The following FAM53B variants were observed in gnomAD, a reference collection of about 807,000 sequenced individuals.
The protein encoded by FAM53B is protein FAM53B.
FAM53B carries 12 observed loss-of-function variants against 32.7 expected under a neutral mutation model. That is an observed-to-expected ratio of 0.37 (90% CI 0.24 to 0.59). The LOEUF (loss-of-function observed/expected upper bound fraction) is 0.59. FAM53B is among the 20% of genes least tolerant of loss of function. FAM53B has a pLI of 0.72. For missense variants in FAM53B, 477 were observed against 577.7 expected, an observed-to-expected ratio of 0.83 and a Z score of 1.79; for synonymous variants, 234 against 228.7, an observed-to-expected ratio of 1.02 and a Z score of -0.21.
intron 4 of FAM53B, among the ~76,000 whole-genome samples, chr10:124,641,185 T>A (rs2134044591): frequency 6.6e-6 from 1 of 152,252 alleles, no homozygotes; most frequent in Middle Eastern, 3.4e-3. Context: ...CCCTTAAAGG[T>A]AAATGCTCAC....
intron 1 of FAM53B, among the ~76,000 whole-genome samples, 152 bp downstream of exon 1, chr10:124,743,861 C>T (rs534551425): frequency 6.6e-6 from 1 of 151,472 alleles, no homozygotes; most frequent in Non-Finnish European, 1.5e-5. Flanking sequence ...AGGAAACCAG[C>T]AACATTAGGA....
At chr10:124,669,251 C>T (rs1322150921) in intron 4 of FAM53B, among the ~76,000 whole-genome samples, 5 of 152,244 alleles carry the variant, frequency 3.3e-5, no homozygotes, top group African/African-American at 7.2e-5. Context: ...CACACACCTC[C>T]GCTCAGTGTG....
chr10:124,623,145 G>A lies in FAM53B; in HGVS notation c.*97C>T. On this transcript the variant is annotated 3_prime_UTR_variant, in exon 5 of 5. Coordinates refer to ENST00000337318, the MANE Select transcript of FAM53B (RefSeq NM_014661.4). ...ACACCACTCAGGAAGCTTTCATCAGGCCCACGAGTTGGGCTCCCCTTCAAG... is the reference window on the plus strand; with the variant it reads ...ACACCACTCAGGAAGCTTTCATCAGACCCACGAGTTGGGCTCCCCTTCAAG... 1 of 1,438,814 alleles carries A rather than the reference G, an allele frequency of 7.0e-7. No homozygotes were observed. The highest frequency in any genetic ancestry group is 9.3e-7 in the Non-Finnish European group (1 of 1,074,802). 89.1% of individuals were successfully genotyped at this position (1,438,814 alleles called of 1,614,324 possible).
intron 4 of FAM53B, among the ~76,000 whole-genome samples, chr10:124,627,751 A>C (rs1949364293): frequency 6.6e-6 from 1 of 152,028 alleles, no homozygotes. Flanking sequence ...CTAGCCACCA[A>C]AGAGGCCCTG....
At chr10:124,687,531 C>T (rs1949810021) in intron 3 of FAM53B, among the ~76,000 whole-genome samples, 2 of 152,146 alleles carry the variant, frequency 1.3e-5, no homozygotes, top group South Asian at 2.1e-4. Flanking sequence ...GGATAATTAA[C>T]GGTACTGGAA....
intron 4 of FAM53B, among the ~76,000 whole-genome samples, chr10:124,666,017 G>A (rs1949670102): frequency 6.6e-6 from 1 of 152,192 alleles, no homozygotes; most frequent in Admixed American, 6.5e-5. Context: ...CCTGAGCCCT[G>A]GCACAGGCAG....
In FAM53B at chr10:124,681,580, G is replaced by A. The variant is rs368057333; in HGVS notation, c.906+27C>T. On this transcript the variant is annotated intron_variant, in intron 4 of 4. Coordinates refer to ENST00000337318, the MANE Select transcript of FAM53B (RefSeq NM_014661.4). ...AGCAGAGGCTCCAGTGAGCACCAAG[G>A]TGACTCCAGGCTGCTGGGGCTCTTA... The A allele has an allele frequency of 3.2e-6, 5 of 1,539,234 alleles. No individual in the cohort carries two copies. The African/African-American group carries it at 6.8e-5, about 21-fold the overall frequency.
intron 1 of FAM53B, among the ~76,000 whole-genome samples, chr10:124,728,413 A>C (rs1162228487): frequency 6.6e-6 from 1 of 152,154 alleles, no homozygotes; most frequent in Non-Finnish European, 1.5e-5. Context: ...CCCTGCCCCC[A>C]CCAGGAGAGC....
intron 2 of FAM53B, among the ~76,000 whole-genome samples, chr10:124,698,339 G>A (rs1949888884): frequency 6.6e-6 from 1 of 152,116 alleles, no homozygotes. Context: ...AGGAGGGCTT[G>A]GGGCTTTCCA....
Position 124,651,683 on chromosome 10 carries a change from C to T in FAM53B, c.907-28079G>A, listed in dbSNP as rs561654400. ...ACTGTGGAGACTGTCAGCTGACTTC[C>T]GACCCTGGGGCCTGCCTGCTCTGGA... On this transcript the variant is annotated intron_variant, in intron 4 of 4. Transcript: ENST00000337318. This position sits in a 1 kb window ranked among gnomAD's most constrained non-coding sequence, Gnocchi z 5.2. Among the ~76,000 whole-genome samples the T allele has an allele frequency of 9.9e-5, 15 of 152,204 alleles. No individual in the cohort carries two copies. Among genetic ancestry groups the T allele is most frequent in the African/African-American group, 1.4e-4 (6 of 41,518 alleles).
chr10:124,724,352 G>A (rs1247836437), intron 1 of FAM53B, among the ~76,000 whole-genome samples: 1 of 152,172 alleles, frequency 6.6e-6, no homozygotes, highest in East Asian at 1.9e-4. Flanking sequence ...TGCCCAGACA[G>A]GTCAGCTGCC....
intron 1 of FAM53B, among the ~76,000 whole-genome samples, chr10:124,714,773 A>AG (rs1157123393): frequency 2.3e-4 from 35 of 152,090 alleles, no homozygotes; most frequent in African/African-American, 8.4e-4. Flanking sequence ...AAAAAAAAAA[A>AG]AAAAAAGAAA....
At chr10:124,721,926 A>T (rs1034677582) in intron 1 of FAM53B, among the ~76,000 whole-genome samples, 2 of 152,236 alleles carry the variant, frequency 1.3e-5, no homozygotes, top group African/African-American at 4.8e-5. Context: ...AACACCATGC[A>T]AAGGACGAAA....
intron 4 of FAM53B, among the ~76,000 whole-genome samples, chr10:124,650,791 C>G (rs1949551080): frequency 6.6e-6 from 1 of 152,106 alleles, no homozygotes; most frequent in South Asian, 2.1e-4. Flanking sequence ...TGCTAGGAGG[C>G]CAATATTCCT....
intron 4 of FAM53B, among the ~76,000 whole-genome samples, chr10:124,645,128 G>A (rs999380634): frequency 6.6e-6 from 1 of 152,184 alleles, no homozygotes; most frequent in East Asian, 1.9e-4. Context: ...CAAGGAGCTG[G>A]CTGGAGCCCT....
At chr10:124,652,760 A>G (rs1192074418) in intron 4 of FAM53B, among the ~76,000 whole-genome samples, 1 of 152,190 alleles carries the variant, frequency 6.6e-6, no homozygotes, top group African/African-American at 2.4e-5. Context: ...TTCGGGGTCC[A>G]CTTCCTTCAA....
intron 1 of FAM53B, among the ~76,000 whole-genome samples, chr10:124,710,955 AAG>A (rs555345888): frequency 1.3e-5 from 2 of 152,204 alleles, no homozygotes; most frequent in African/African-American, 2.4e-5. Flanking sequence ...AACTACCAGC[AAG>A]AGTTCTCCTT....
At position 124,623,000 on chromosome 10, in the gene FAM53B, T is replaced by A. The variant is rs1011757647; in HGVS notation, c.*242A>T. ...AAGCTGTCCTCTGGGCTGCAGTAGT[T>A]CTGTGGACCTGGTGGCTGCCACGCT... On this transcript the variant is annotated 3_prime_UTR_variant, in exon 5 of 5. Coordinates refer to ENST00000337318, the MANE Select transcript of FAM53B (RefSeq NM_014661.4). The A allele has an allele frequency of 1.9e-6, 1 of 532,710 alleles. No individual in the cohort carries two copies. Among genetic ancestry groups the A allele is most frequent in the African/African-American group, 1.9e-5 (1 of 51,356 alleles). The allele number at this position is 532,710 out of a possible 1,614,324, so 33.0% of individuals were successfully genotyped here.
chr10:124,703,407 T>C (rs1949929064), intron 2 of FAM53B, among the ~76,000 whole-genome samples: 1 of 152,222 alleles, frequency 6.6e-6, no homozygotes, highest in African/African-American at 2.4e-5. Context: ...CTTTTCTTTA[T>C]AAATTACCCA....
Sources: gnomAD v4.1 joint callset for allele counts (sites outside exome capture counted in the v4.1 genomes callset) on GRCh38, gnomAD v4.1.1 for gene constraint, Gnocchi (gnomAD v3.1) non-coding constraint, MANE v1.5 for transcripts, NCBI Gene and HGNC (gene_info 2026-07-23, HGNC 2026-07-21) for gene names.